The following PDE1A variants were observed in gnomAD, a reference collection of about 807,000 sequenced individuals.
The protein encoded by PDE1A is phosphodiesterase 1A.
PDE1A carries 35 observed loss-of-function variants against 61.7 expected under a neutral mutation model. The ratio of observed to expected loss-of-function variants is 0.57; its 90% CI spans 0.43 to 0.75. PDE1A has a LOEUF of 0.75. Among genes scored for constraint, PDE1A ranks in the 30% least tolerant of loss-of-function variants. The probability of loss-of-function intolerance (pLI) is 0.00; values close to 1 mark genes in which losing one functional copy is unlikely to be tolerated. For missense variants in PDE1A, 597 were observed against 630.6 expected (o/e 0.95, Z 0.57); for synonymous variants, 232 against 213.2 (o/e 1.09, Z -0.77).
chr2:182,337,964 A>G (rs1010801994), intron 1 of PDE1A, among the ~76,000 whole-genome samples: 2 of 152,214 alleles, frequency 1.3e-5, no homozygotes, highest in African/African-American at 4.8e-5. Context: ...CATTAGGTCT[A>G]TATCACATAG....
chr2:182,418,596 G>A (rs920021121), intron 1 of PDE1A, among the ~76,000 whole-genome samples: 2 of 152,138 alleles, frequency 1.3e-5, no homozygotes, highest in Non-Finnish European at 2.9e-5. Flanking sequence ...TGGAGTAAGG[G>A]AAAGAAGAAT....
At chr2:182,240,063 C>T in intron 3 of PDE1A, 47 bp downstream of exon 3, 1 of 1,524,900 alleles carries the variant, frequency 6.6e-7, no homozygotes. Context: ...AATGTATCTG[C>T]TGCCTTTCAA....
the PDE1A span, among the ~76,000 whole-genome samples, chr2:182,654,371 C>A: frequency 6.6e-6 from 1 of 152,204 alleles, no homozygotes; most frequent in African/African-American, 2.4e-5. Flanking sequence ...GGGAGTAGCA[C>A]TAACCTCTGC....
exon 1 of PDE1A, chr2:182,426,602 T>A (rs745733129): frequency 6.2e-7 from 1 of 1,612,346 alleles, no homozygotes; most frequent in Non-Finnish European, 8.5e-7. Context: ...TTGGAGATGT[T>A]TCTTCCTGAT....
At chr2:182,520,306 A>T (rs1176204275) in intron 2 of PDE1A, among the ~76,000 whole-genome samples, 2 of 151,956 alleles carry the variant, frequency 1.3e-5, no homozygotes, top group East Asian at 3.9e-4. Context: ...GTCAAAGTAC[A>T]AGTTAAAGTG....
At chr2:182,379,561 C>A (rs929328754) in intron 1 of PDE1A, among the ~76,000 whole-genome samples, 1 of 152,214 alleles carries the variant, frequency 6.6e-6, no homozygotes, top group Admixed American at 6.5e-5. Context: ...AGGAATAAAG[C>A]AGTACTCAAA....
chr2:182,598,627 C>G, the PDE1A span, among the ~76,000 whole-genome samples: 4 of 151,944 alleles, frequency 2.6e-5, no homozygotes, highest in African/African-American at 9.7e-5. Flanking sequence ...CTCCCTTTCT[C>G]ATTTCCCATG....
At chr2:182,629,469 T>C in the PDE1A span, among the ~76,000 whole-genome samples, 1 of 152,198 alleles carries the variant, frequency 6.6e-6, no homozygotes, top group South Asian at 2.1e-4. Context: ...TACAAGTATT[T>C]ACAAAATACA....
At chr2:182,655,815 G>A in the PDE1A span, among the ~76,000 whole-genome samples, 15 of 152,274 alleles carry the variant, frequency 9.9e-5, no homozygotes, top group Middle Eastern at 3.4e-3. Context: ...TCAAGTTTCC[G>A]TGATCTGAGC....
chr2:182,665,198 C>G, the PDE1A span, among the ~76,000 whole-genome samples: 3 of 151,940 alleles, frequency 2.0e-5, no homozygotes, highest in Non-Finnish European at 4.4e-5. Flanking sequence ...AAAAAATGTA[C>G]ATGCTTACAA....
the PDE1A span, among the ~76,000 whole-genome samples, chr2:182,591,350 C>T: frequency 3.3e-5 from 5 of 152,122 alleles, no homozygotes; most frequent in Non-Finnish European, 5.9e-5. Flanking sequence ...GTTATCTGAC[C>T]TCTTGGGAAC....
the PDE1A span, among the ~76,000 whole-genome samples, chr2:182,696,377 T>C: frequency 6.6e-6 from 1 of 152,172 alleles, no homozygotes; most frequent in Non-Finnish European, 1.5e-5. Flanking sequence ...GATAACATAC[T>C]GTATGATTCC....
chr2:182,370,545 AG>A (rs772224087), intron 1 of PDE1A, among the ~76,000 whole-genome samples: 1 of 152,208 alleles, frequency 6.6e-6, no homozygotes, highest in Non-Finnish European at 1.5e-5. Flanking sequence ...AGCAGCTCAG[AG>A]GGGGCAGATG....
intron 1 of PDE1A, among the ~76,000 whole-genome samples, chr2:182,409,024 T>C (rs1167665597): frequency 6.6e-6 from 1 of 152,218 alleles, no homozygotes; most frequent in African/African-American, 2.4e-5. Context: ...AGTAGCTCCT[T>C]GGGCTCCAGC....
At chr2:182,517,573 C>A (rs1006213824) in intron 2 of PDE1A, among the ~76,000 whole-genome samples, 1 of 152,154 alleles carries the variant, frequency 6.6e-6, no homozygotes, top group African/African-American at 2.4e-5. Context: ...CACTCAAAAG[C>A]TGTGGTTGAA....
chr2:182,402,163 G>GA (rs1299432205), intron 1 of PDE1A, among the ~76,000 whole-genome samples: 1 of 151,814 alleles, frequency 6.6e-6, no homozygotes, highest in African/African-American at 2.4e-5. Context: ...CAGAGAGTTA[G>GA]AAAAAAAATA....
chr2:182,449,332 AGAAAG>A (rs1685356600), intron 2 of PDE1A, among the ~76,000 whole-genome samples: 1 of 151,860 alleles, frequency 6.6e-6, no homozygotes, highest in Non-Finnish European at 1.5e-5. Context: ...AGAGAGAAAG[AGAAAG>A]GAAAGAAGGA....
the PDE1A span, among the ~76,000 whole-genome samples, chr2:182,563,559 A>T: frequency 1.3e-5 from 2 of 152,110 alleles, no homozygotes; most frequent in African/African-American, 4.8e-5. Flanking sequence ...AGTTCTGTAG[A>T]TGTCTATTAG....
At position 182,191,632 on chromosome 2, in the gene PDE1A, A is replaced by T. The variant is rs59695429; in HGVS notation, c.1126-2572T>A. On this transcript the variant is annotated intron_variant, in intron 10 of 13. Transcript: ENST00000351439. ...TTTTGCAATTAAAATTGCAAAAACC[A>T]CAATTATTTTTGCACCACCCTAAAT... 7.3e-3 allele frequency among the ~76,000 whole-genome samples: 1,104 copies of T among 151,916 alleles called. 12 individuals are homozygous for T. Among genetic ancestry groups the T allele is most frequent in the African/African-American group, 0.024 (1,009 of 41,490 alleles).
Sources: gnomAD v4.1 joint callset for allele counts (sites outside exome capture counted in the v4.1 genomes callset) on GRCh38, gnomAD v4.1.1 for gene constraint, MANE v1.5 for transcripts, NCBI Gene and HGNC (gene_info 2026-07-23, HGNC 2026-07-21) for gene names.